Variants in FILIP1L observed in about 807,000 individuals in gnomAD.
FILIP1L encodes filamin A interacting protein 1 like, also known as filamin A-interacting protein 1-like.
A neutral mutation model predicts 96.6 loss-of-function variants in FILIP1L; 55 were observed. The ratio of observed to expected loss-of-function variants is 0.57; its 90% CI spans 0.46 to 0.71. The LOEUF (loss-of-function observed/expected upper bound fraction) is 0.71, where lower values mean the gene tolerates loss of function less well. Among genes scored for constraint, FILIP1L ranks in the 30% least tolerant of loss-of-function variants. The pLI is 0.00. For synonymous variants in FILIP1L, 467 were observed against 473.9 expected, an observed-to-expected ratio of 0.99 and a Z score of 0.19; for missense variants, 1,304 against 1,321.2, an observed-to-expected ratio of 0.99 and a Z score of 0.20.
intron 4 of FILIP1L, among the ~76,000 whole-genome samples, chr3:99,861,019 C>A (rs1424077921): frequency 6.6e-6 from 1 of 152,178 alleles, no homozygotes; most frequent in Non-Finnish European, 1.5e-5. Context: ...TGTGAATACA[C>A]TGCTGTGCTA....
intron 4 of FILIP1L, among the ~76,000 whole-genome samples, chr3:99,872,970 G>A (rs767110971): frequency 6.6e-6 from 1 of 151,786 alleles, no homozygotes; most frequent in African/African-American, 2.4e-5. Context: ...AAGTGTTGGT[G>A]ATAATCTGCT....
intron 1 of FILIP1L, among the ~76,000 whole-genome samples, chr3:100,109,004 C>T (rs1264289681): frequency 6.6e-6 from 1 of 151,420 alleles, no homozygotes; most frequent in African/African-American, 2.4e-5. Flanking sequence ...ATGGCTTTTT[C>T]AATGCAGTTT....
At chr3:99,833,303 T>A (rs190309220) in intron 5 of FILIP1L, 1 of 1,531,218 alleles carries the variant, frequency 6.5e-7, no homozygotes, top group African/African-American at 1.4e-5. Flanking sequence ...TTGTGGAATA[T>A]ATTAAATTCT....
chr3:99,992,918 G>T (rs1161908291), intron 1 of FILIP1L, among the ~76,000 whole-genome samples: 1 of 152,044 alleles, frequency 6.6e-6, no homozygotes, highest in Non-Finnish European at 1.5e-5. Flanking sequence ...TTATTGAACA[G>T]GTTGTCATTT....
At chr3:99,959,001 C>G (rs1344823044) in intron 1 of FILIP1L, among the ~76,000 whole-genome samples, 2 of 152,036 alleles carry the variant, frequency 1.3e-5, no homozygotes, top group African/African-American at 2.4e-5. Flanking sequence ...GCCTTGGTAA[C>G]TATTTGTTCC....
intron 4 of FILIP1L, among the ~76,000 whole-genome samples, 164 bp downstream of exon 4, chr3:99,924,066 A>G (rs1707209858): frequency 1.3e-5 from 2 of 152,188 alleles, no homozygotes; most frequent in South Asian, 4.1e-4. Flanking sequence ...TTATCCATAC[A>G]TTGTACTGAT....
At chr3:100,077,916 TAAG>T (rs2065875136) in intron 1 of FILIP1L, among the ~76,000 whole-genome samples, 1 of 151,944 alleles carries the variant, frequency 6.6e-6, no homozygotes, top group South Asian at 2.1e-4. Flanking sequence ...TCAAAAAAAA[TAAG>T]AATAATAAGG....
At chr3:99,946,149 A>G (rs2107682300) in intron 1 of FILIP1L, among the ~76,000 whole-genome samples, 1 of 152,336 alleles carries the variant, frequency 6.6e-6, no homozygotes, top group East Asian at 1.9e-4. Context: ...AGAGTTGACA[A>G]AAGGGGCCCT....
intron 1 of FILIP1L, among the ~76,000 whole-genome samples, chr3:100,054,031 A>G (rs2065419717): frequency 6.6e-6 from 1 of 152,220 alleles, no homozygotes; most frequent in Non-Finnish European, 1.5e-5. Flanking sequence ...TATTCTCCCC[A>G]AGGCTTTGAA....
At chr3:99,841,825 T>TA (rs1438378114) in intron 5 of FILIP1L, among the ~76,000 whole-genome samples, 1 of 152,030 alleles carries the variant, frequency 6.6e-6, no homozygotes, top group African/African-American at 2.4e-5. Context: ...TCAAAAAAAT[T>TA]AAAAAATAAT....
chr3:99,940,730 C>T (rs761519109), intron 1 of FILIP1L, among the ~76,000 whole-genome samples: 1 of 152,242 alleles, frequency 6.6e-6, no homozygotes. Flanking sequence ...GAACCATCTT[C>T]CTCACCTTTT....
At chr3:99,971,837 C>T (rs147864265) in intron 1 of FILIP1L, among the ~76,000 whole-genome samples, 305 of 152,192 alleles carry the variant, frequency 2.0e-3, no homozygotes, top group African/African-American at 6.9e-3. Flanking sequence ...TGAATAATGA[C>T]GTTGGGGCCT....
intron 1 of FILIP1L, among the ~76,000 whole-genome samples, chr3:99,985,841 G>T (rs917332582): frequency 5.3e-5 from 8 of 152,042 alleles, no homozygotes; most frequent in African/African-American, 1.9e-4. Flanking sequence ...CACCCACCTC[G>T]GCCTCCCAAA....
chr3:100,096,145 C>G (rs1389679408), intron 1 of FILIP1L, among the ~76,000 whole-genome samples: 8 of 152,144 alleles, frequency 5.3e-5, no homozygotes, highest in African/African-American at 1.7e-4. Flanking sequence ...AAAGGGAACT[C>G]TCATACACTG....
intron 1 of FILIP1L, among the ~76,000 whole-genome samples, chr3:100,065,322 A>T (rs932174187): frequency 6.6e-6 from 1 of 152,158 alleles, no homozygotes; most frequent in African/African-American, 2.4e-5. Flanking sequence ...CTAAATTGCA[A>T]TTCTCAGGCC....
chr3:99,838,872 A>G (rs931093813), intron 5 of FILIP1L, among the ~76,000 whole-genome samples: 3 of 152,150 alleles, frequency 2.0e-5, no homozygotes, highest in African/African-American at 7.2e-5. Context: ...TTACCTCACT[A>G]TGCAGAAACC....
At chr3:99,932,752 G>A (rs1219847219) in intron 1 of FILIP1L, among the ~76,000 whole-genome samples, 3 of 152,112 alleles carry the variant, frequency 2.0e-5, no homozygotes, top group South Asian at 2.1e-4. Context: ...TTAGCCAGGT[G>A]TGGTGGCACA....
intron 4 of FILIP1L, among the ~76,000 whole-genome samples, chr3:99,903,409 A>G (rs1435666154): frequency 1.3e-5 from 2 of 151,664 alleles, no homozygotes; most frequent in Non-Finnish European, 2.9e-5. Flanking sequence ...CTGCCACCAC[A>G]CCCAGCTAAT....
chr3:99,862,645 A>G (rs1944319449), intron 4 of FILIP1L, among the ~76,000 whole-genome samples: 1 of 152,186 alleles, frequency 6.6e-6, no homozygotes, highest in African/African-American at 2.4e-5. Context: ...CCAGACAACT[A>G]CTGAATGTCT....
Sources: gnomAD v4.1 joint callset for allele counts (sites outside exome capture counted in the v4.1 genomes callset) on GRCh38, gnomAD v4.1.1 for gene constraint, MANE v1.5 for transcripts, NCBI Gene and HGNC (gene_info 2026-07-23, HGNC 2026-07-21) for gene names.